PHF20: variants seen among roughly 807,000 people sequenced by gnomAD.
PHF20 encodes PHD finger protein 20, also known as glioma-expressed antigen 2.
PHF20 carries 23 observed loss-of-function variants against 113.5 expected under a neutral mutation model. The ratio of observed to expected loss-of-function variants is 0.20; its 90% CI spans 0.15 to 0.29. The LOEUF is 0.29. PHF20 is among the 10% of genes least tolerant of loss of function. The pLI is 1.00. For synonymous variants in PHF20, 434 were observed against 457.3 expected, an observed-to-expected ratio of 0.95 and a Z score of 0.65; for missense variants, 943 against 1,219.6, an observed-to-expected ratio of 0.77 and a Z score of 3.38.
intron 1 of PHF20, among the ~76,000 whole-genome samples, chr20:35,790,104 G>T (rs1232628438): frequency 1.3e-5 from 2 of 151,838 alleles, no homozygotes; most frequent in South Asian, 4.1e-4. Context: ...TGATCCGCCC[G>T]CCTCTGCCTC....
chr20:35,896,798 T>G (rs1600896741), intron 9 of PHF20, among the ~76,000 whole-genome samples: 2 of 102,392 alleles, frequency 2.0e-5, no homozygotes. Context: ...AGACTCCGTC[T>G]CAAAAAAAAA....
chr20:35,903,317 C>G (rs767581400), intron 10 of PHF20, among the ~76,000 whole-genome samples: 13 of 152,056 alleles, frequency 8.5e-5, no homozygotes, highest in Middle Eastern at 3.2e-3. Flanking sequence ...TTAAGGGAAA[C>G]AAGAGTCTTT....
intron 13 of PHF20, among the ~76,000 whole-genome samples, chr20:35,927,276 G>T (rs1346170465): frequency 1.3e-5 from 2 of 152,170 alleles, no homozygotes; most frequent in African/African-American, 2.4e-5. Context: ...TTAGTGAATT[G>T]GTTTGCTCAT....
chr20:35,924,172 ATTTTC>A lies in PHF20; in HGVS notation c.2005-3588_2005-3584del, dbSNP rs1011869443. Among the ~76,000 whole-genome samples the A allele has an allele frequency of 6.6e-3, 895 of 135,818 alleles. 10 individuals carry two copies. Among genetic ancestry groups the A allele is most frequent in the African/African-American group, 0.023 (824 of 36,196 alleles). The allele number at this position is 135,818 out of a possible 152,430, so 89.1% of individuals were successfully genotyped here. A position where few individuals can be genotyped will look rare whatever the true frequency, so the allele number is the denominator to read the frequency against. The stretch of plus-strand genomic sequence containing the variant: ...CAAATGTTTGCATTTTATGTATAGT[ATTTTC>A]TTTTCTTTTCTTTTCTTTTTTTTTT... On this transcript the variant is annotated intron_variant, in intron 13 of 17. Transcript: ENST00000374012.
intron 9 of PHF20, among the ~76,000 whole-genome samples, chr20:35,887,004 A>G (rs1467096413): frequency 6.6e-6 from 1 of 152,240 alleles, no homozygotes; most frequent in African/African-American, 2.4e-5. Flanking sequence ...ATTGCCAGCC[A>G]GACGGAATAT....
intron 1 of PHF20, among the ~76,000 whole-genome samples, chr20:35,800,935 C>T (rs2041769224): frequency 6.6e-6 from 1 of 152,132 alleles, no homozygotes; most frequent in African/African-American, 2.4e-5. Flanking sequence ...AAAGAAACAA[C>T]TTGGCTCTGC....
Position 35,871,040 on chromosome 20 carries a change from C to G in PHF20, c.1008C>G (p.Thr336=). The G allele has an allele frequency of 6.2e-7, 1 of 1,612,694 alleles. No individual in the cohort carries two copies. The highest frequency in any genetic ancestry group is 2.2e-5 in the East Asian group (1 of 44,832). The change falls in exon 8 of 18, where the codon ACC becomes ACG. Residue 336 remains threonine (T), a synonymous_variant. Coordinates refer to ENST00000374012, the MANE Select transcript of PHF20 (RefSeq NM_016436.5). ...RRSSRLSTNG[T]HEILDPDLVV... is the part of the protein sequence containing the mutation. ...CCTCCAGGCTGTCCACTAATGGGACCCATGAGATCCTAGATCCTGACTTGG... is the reference window on the plus strand; with the variant it reads ...CCTCCAGGCTGTCCACTAATGGGACGCATGAGATCCTAGATCCTGACTTGG...
At chr20:35,939,152 G>C in intron 16 of PHF20, 44 bp downstream of exon 16, 1 of 1,514,670 alleles carries the variant, frequency 6.6e-7, no homozygotes, top group Non-Finnish European at 8.9e-7. Context: ...TTGCGTGAAT[G>C]CTTGCAAGTT....
At chr20:35,855,960 T>A (rs2054840598) in intron 4 of PHF20, among the ~76,000 whole-genome samples, 1 of 149,318 alleles carries the variant, frequency 6.7e-6, no homozygotes. Context: ...ATTACAGGCG[T>A]GAGCCATCAC....
intron 9 of PHF20, among the ~76,000 whole-genome samples, chr20:35,896,799 CAAAA>C (rs34377497): frequency 1.8e-4 from 11 of 62,508 alleles, no homozygotes; most frequent in Non-Finnish European, 3.3e-4. Flanking sequence ...GACTCCGTCT[CAAAA>C]AAAAAAAAAA....
At position 35,914,177 on chromosome 20, in the gene PHF20, A is replaced by G. The variant is rs763169793; in HGVS notation, c.1805A>G (p.Lys602Arg). 1.9e-6 allele frequency: 3 copies of G among 1,614,010 alleles called. No individual in the cohort carries two copies. The highest frequency in any genetic ancestry group is 1.1e-5 in the South Asian group (1 of 91,088). ...CATGGCCCAGAATCTGGACACCACA[A>G]AGGGAAAGTGAAAGCATTGGGTAAG... ...QLHGPESGHH[K>R]GKVKALEEDN... The change falls in exon 12 of 18, where the codon AAA becomes AGA. Residue 602 changes from lysine to arginine, a missense_variant. Coordinates refer to ENST00000374012, the MANE Select transcript of PHF20 (RefSeq NM_016436.5).
At chr20:35,878,651 G>A in intron 9 of PHF20, 1 of 788,994 alleles carries the variant, frequency 1.3e-6, no homozygotes, top group South Asian at 1.3e-5. Context: ...CCACATGGGT[G>A]TGGCAGCCCA....
intron 2 of PHF20, among the ~76,000 whole-genome samples, chr20:35,824,550 T>A (rs2042229917): frequency 1.3e-5 from 2 of 151,338 alleles, no homozygotes; most frequent in South Asian, 4.2e-4. Flanking sequence ...GAGGTTTCAG[T>A]GAGCCAAGAT....
At chr20:35,787,329 A>G (rs1017181957) in intron 1 of PHF20, among the ~76,000 whole-genome samples, 1 of 151,660 alleles carries the variant, frequency 6.6e-6, no homozygotes, top group Non-Finnish European at 1.5e-5. Context: ...ACAGGGATGC[A>G]CCACCATGCC....
chr20:35,912,121 C>T (rs914426398), intron 10 of PHF20, among the ~76,000 whole-genome samples: 9 of 152,046 alleles, frequency 5.9e-5, no homozygotes, highest in African/African-American at 2.2e-4. Context: ...GCTGGGATTA[C>T]AGGCACACAC....
rs1036862831 is a variant in PHF20 at position 35,941,104 on chromosome 20, G to A, written c.2896+57G>A. On this transcript the variant is annotated intron_variant, in intron 17 of 17. Coordinates refer to ENST00000374012, the MANE Select transcript of PHF20 (RefSeq NM_016436.5). ...GGCATGCAGTCGAGCACCCCCAGAC[G>A]AGCTGCTTTCTGAACCCCCCAGTCT... The A allele has an allele frequency of 6.2e-6, 9 of 1,457,224 alleles. No homozygotes were observed. In the African/African-American group the frequency reaches 7.0e-5, roughly 11 times the overall value. 90.3% of individuals were successfully genotyped at this position (1,457,224 alleles called of 1,614,324 possible).
chr20:35,890,210 G>A (rs1292526936), intron 9 of PHF20, among the ~76,000 whole-genome samples: 2 of 150,640 alleles, frequency 1.3e-5, no homozygotes, highest in African/African-American at 2.4e-5. Flanking sequence ...GTATTTTTTC[G>A]TAGAGATGGG....
intron 9 of PHF20, among the ~76,000 whole-genome samples, chr20:35,893,555 C>T (rs1389970895): frequency 6.6e-6 from 1 of 151,960 alleles, no homozygotes; most frequent in Non-Finnish European, 1.5e-5. Context: ...TCACCCACCT[C>T]GGTCTCCTAA....
At chr20:35,894,168 T>C (rs1330863552) in intron 9 of PHF20, among the ~76,000 whole-genome samples, 1 of 152,226 alleles carries the variant, frequency 6.6e-6, no homozygotes, top group Non-Finnish European at 1.5e-5. Context: ...TTCAGGGTGA[T>C]ATGCGTCCCA....
Sources: allele counts gnomAD v4.1 joint callset (sites outside exome capture counted in the v4.1 genomes callset), GRCh38; gene constraint gnomAD v4.1.1; transcripts MANE v1.5; gene names NCBI Gene and HGNC (gene_info 2026-07-23, HGNC 2026-07-21).